The following ANK3 variants were observed in gnomAD, a reference collection of about 807,000 sequenced individuals.
The protein encoded by ANK3 is ankyrin-3.
ANK3 carries 57 observed loss-of-function variants against 370.9 expected under a neutral mutation model. That is an observed-to-expected ratio of 0.15 (90% CI 0.12 to 0.19). The LOEUF (loss-of-function observed/expected upper bound fraction) is 0.19, where lower values mean the gene tolerates loss of function less well. Among genes scored for constraint, ANK3 ranks in the 10% least tolerant of loss-of-function variants. ANK3 has a pLI of 1.00. For synonymous variants in ANK3, 1,929 were observed against 1,946.3 expected (o/e 0.99, Z 0.23); for missense variants, 4,439 against 5,302.1 (o/e 0.84, Z 5.06).
Position 60,142,905 on chromosome 10 carries a change from G to A in ANK3, c.2615-3818C>T, listed in dbSNP as rs1475836838. On this transcript the variant is annotated intron_variant, in intron 23 of 43. Transcript: ENST00000280772. ...AAGCTGTACCATGTATTGACTGGGT[G>A]ACCTTTGAAATACCATTTAACTGCT... Among the ~76,000 whole-genome samples, 3 of 152,212 alleles carry A rather than the reference G, an allele frequency of 2.0e-5. No homozygotes were observed. The East Asian group carries it at 5.8e-4, about 29-fold the overall frequency.
intron 2 of ANK3, among the ~76,000 whole-genome samples, chr10:60,604,143 C>T (rs1051024883): frequency 1.2e-4 from 18 of 151,960 alleles, no homozygotes; most frequent in Non-Finnish European, 7.4e-5. Flanking sequence ...GACAAAGGCA[C>T]GGTAGGTTCC....
chr10:60,124,582 G>T (rs1164608014), intron 25 of ANK3, among the ~76,000 whole-genome samples: 2 of 152,182 alleles, frequency 1.3e-5, no homozygotes, highest in African/African-American at 4.8e-5. Context: ...ACATCACAGG[G>T]AGAAGTCAGA....
chr10:60,181,471 G>A (rs1454956325), intron 17 of ANK3, 44 bp from the exon 18 acceptor site: 3 of 1,532,734 alleles, frequency 2.0e-6, no homozygotes, highest in Non-Finnish European at 1.8e-6. Flanking sequence ...AGGAAGGAAT[G>A]TCACACACAT....
In ANK3 at chr10:60,187,925, T is replaced by G. The variant is rs56257121; in HGVS notation, c.1888-1013A>C. On this transcript the variant is annotated intron_variant, in intron 16 of 43. Transcript: ENST00000280772. ...TTCAGCTCAAGGGTCACACCCTCCA[T>G]GAGGTTTTTTATTTCTTCCCATCCC... Among the ~76,000 whole-genome samples, 476 of 152,238 alleles carry G rather than the reference T, an allele frequency of 3.1e-3. 1 individual carries two copies. Among genetic ancestry groups the G allele is most frequent in the Admixed American group, 6.3e-3 (97 of 15,294 alleles).
At chr10:60,577,198 T>C (rs7081442) in intron 2 of ANK3, among the ~76,000 whole-genome samples, 72,034 of 151,922 alleles carry the variant, frequency 0.47, 17,435 homozygotes, top group Non-Finnish European at 0.52. Flanking sequence ...GCTGGCATTG[T>C]CTTAGGCTAA....
intron 8 of ANK3, among the ~76,000 whole-genome samples, chr10:60,224,256 T>C (rs1308602552): frequency 6.6e-6 from 1 of 152,136 alleles, no homozygotes; most frequent in African/African-American, 2.4e-5. Context: ...ATTCCCTTGA[T>C]TTTTAAAGCA....
intron 42 of ANK3, among the ~76,000 whole-genome samples, chr10:60,048,465 C>T (rs11814653): frequency 5.3e-5 from 8 of 152,138 alleles, no homozygotes; most frequent in African/African-American, 1.9e-4. Flanking sequence ...ACACTTGTTC[C>T]TTAGTATCCA....
chr10:60,356,037 T>A (rs559888667), intron 1 of ANK3, among the ~76,000 whole-genome samples: 69 of 152,270 alleles, frequency 4.5e-4, no homozygotes, highest in African/African-American at 1.6e-3. Context: ...ACATAAGAAG[T>A]TCACAAGAAC....
intron 1 of ANK3, among the ~76,000 whole-genome samples, chr10:60,335,974 G>C (rs113316717): frequency 0.014 from 2,136 of 152,162 alleles, 55 homozygotes; most frequent in African/African-American, 0.049. Context: ...AGCAATAACC[G>C]TAAGTGCCCA....
At position 60,172,993 on chromosome 10, in the gene ANK3, C is replaced by T. The variant is rs560373813; in HGVS notation, c.2289G>A (p.Gly763=). The T allele has an allele frequency of 6.2e-7, 1 of 1,611,114 alleles. No homozygotes were observed. Among genetic ancestry groups the T allele is most frequent in the Non-Finnish European group, 8.5e-7 (1 of 1,177,462 alleles). ...SAKVNAKTKN[G]YTPLHQAAQQ... ...GTGCTGCTTGATGTAATGGCGTATA[C>T]CCATTCTGTAGAAGGAAGATGGAAG... is the stretch of plus-strand genomic sequence containing the variant. Residue 763 remains glycine (G), a synonymous_variant, in exon 20 of 44, where the codon GGG becomes GGA. Coordinates refer to ENST00000280772, the MANE Select transcript of ANK3 (RefSeq NM_020987.5).
chr10:60,619,838 A>T (rs1190819271), intron 1 of ANK3, among the ~76,000 whole-genome samples: 1 of 152,182 alleles, frequency 6.6e-6, no homozygotes, highest in Non-Finnish European at 1.5e-5. Flanking sequence ...ACCATTAGTT[A>T]CCAAACATTT....
chr10:60,678,958 C>T (rs2079160108), intron 1 of ANK3, among the ~76,000 whole-genome samples: 1 of 152,126 alleles, frequency 6.6e-6, no homozygotes, highest in Non-Finnish European at 1.5e-5. Context: ...ACAGGTTGAA[C>T]TGAAAAGCAA....
intron 2 of ANK3, among the ~76,000 whole-genome samples, chr10:60,541,110 T>C (rs1055307465): frequency 6.6e-6 from 1 of 151,428 alleles, no homozygotes. Flanking sequence ...CACTGACAAA[T>C]GGAAAAAAAG....
intron 2 of ANK3, among the ~76,000 whole-genome samples, chr10:60,528,219 A>G (rs1303923570): frequency 6.8e-6 from 1 of 146,952 alleles, no homozygotes; most frequent in African/African-American, 2.5e-5. Context: ...TCACCACAAC[A>G]TCTACCTCCT....
At chr10:60,553,898 A>G (rs2077148447) in intron 2 of ANK3, among the ~76,000 whole-genome samples, 1 of 152,226 alleles carries the variant, frequency 6.6e-6, no homozygotes, top group African/African-American at 2.4e-5. Flanking sequence ...ACAGACTTGG[A>G]GTCCAAGGAC....
At chr10:60,320,369 G>A (rs1232000465) in intron 1 of ANK3, among the ~76,000 whole-genome samples, 1 of 152,184 alleles carries the variant, frequency 6.6e-6, no homozygotes, top group East Asian at 1.9e-4. Context: ...CTAGGCAGGT[G>A]AATCACTTGA....
chr10:60,361,779 T>C (rs559926278), intron 1 of ANK3, among the ~76,000 whole-genome samples: 26 of 152,232 alleles, frequency 1.7e-4, no homozygotes, highest in Non-Finnish European at 2.4e-4. Flanking sequence ...AGAAAGGTCG[T>C]TAATCCAGTT....
At chr10:60,117,706 T>C in intron 25 of ANK3, among the ~76,000 whole-genome samples, 1 of 151,832 alleles carries the variant, frequency 6.6e-6, no homozygotes, top group Non-Finnish European at 1.5e-5. Flanking sequence ...TAATCCCAGT[T>C]GGGAGGCTGA....
intron 1 of ANK3, among the ~76,000 whole-genome samples, chr10:60,699,781 A>G (rs1342242281): frequency 2.0e-5 from 3 of 152,164 alleles, no homozygotes; most frequent in African/African-American, 7.2e-5. Flanking sequence ...GAGGTCTTAA[A>G]TTGTTACTTT....
Sources: allele counts gnomAD v4.1 joint callset (sites outside exome capture counted in the v4.1 genomes callset), GRCh38; gene constraint gnomAD v4.1.1; transcripts MANE v1.5; gene names NCBI Gene and HGNC (gene_info 2026-07-23, HGNC 2026-07-21).